SLC24A2: variants seen among roughly 807,000 people sequenced by gnomAD.
SLC24A2 encodes the protein sodium/potassium/calcium exchanger 2.
In SLC24A2, 36 loss-of-function variants were observed where a neutral mutation model predicts 62.0. The observed-to-expected ratio is 0.58, with a 90% CI of 0.44 to 0.77. The LOEUF is 0.77. SLC24A2 is among the 30% of genes least tolerant of loss of function. The pLI, the probability that SLC24A2 is intolerant of heterozygous loss-of-function variation, is 0.00. For synonymous variants in SLC24A2, 358 were observed against 294.0 expected (o/e 1.22, Z -2.23); for missense variants, 846 against 817.9 (o/e 1.03, Z -0.42).
At chr9:19,637,882 A>C (rs1479212767) in intron 2 of SLC24A2, among the ~76,000 whole-genome samples, 2 of 152,174 alleles carry the variant, frequency 1.3e-5, no homozygotes, top group African/African-American at 4.8e-5. Context: ...ACAAATGCAA[A>C]AGAACAATCA....
At chr9:20,246,376 A>C in the SLC24A2 span, among the ~76,000 whole-genome samples, 1 of 152,210 alleles carries the variant, frequency 6.6e-6, no homozygotes, top group Non-Finnish European at 1.5e-5. Context: ...TGCAAAACAA[A>C]TAATTCATCC....
At chr9:20,217,492 T>A in the SLC24A2 span, among the ~76,000 whole-genome samples, 1 of 124,956 alleles carries the variant, frequency 8.0e-6, no homozygotes, top group African/African-American at 2.9e-5. Context: ...TTATTGTAAG[T>A]TTTTTTAATT....
At chr9:20,169,074 T>C in the SLC24A2 span, among the ~76,000 whole-genome samples, 1 of 152,008 alleles carries the variant, frequency 6.6e-6, no homozygotes, top group Non-Finnish European at 1.5e-5. Flanking sequence ...ATTGAAAATA[T>C]AGTATAAGTG....
At chr9:20,151,857 C>T in the SLC24A2 span, among the ~76,000 whole-genome samples, 1 of 151,730 alleles carries the variant, frequency 6.6e-6, no homozygotes, top group African/African-American at 2.4e-5. Context: ...TTGAATCTCA[C>T]CTCCAATAAG....
rs932780111 is a variant in SLC24A2, at chr9:19,721,366, T to C, written c.930+64571A>G. 3.9e-5 allele frequency among the ~76,000 whole-genome samples: 6 copies of C among 152,328 alleles called. No individual in the cohort carries two copies. The East Asian group carries it at 5.8e-4, about 15-fold the overall frequency. On this transcript the variant is annotated intron_variant, in intron 2 of 10. Coordinates refer to ENST00000341998, the MANE Select transcript of SLC24A2 (RefSeq NM_020344.4). ...TAAAATGCTGACCCTCTGTTGATAC[T>C]GGCTAGAGGAATTTTTGTGTGTATT...
the SLC24A2 span, among the ~76,000 whole-genome samples, chr9:20,200,612 C>CA: frequency 6.6e-6 from 1 of 152,116 alleles, no homozygotes; most frequent in African/African-American, 2.4e-5. Context: ...AATTTTGCAA[C>CA]AAAAATACAA....
the SLC24A2 span, among the ~76,000 whole-genome samples, chr9:20,009,432 A>G: frequency 6.6e-6 from 1 of 151,804 alleles, no homozygotes; most frequent in Non-Finnish European, 1.5e-5. Context: ...GTTCACAGCA[A>G]CCATCACACA....
the SLC24A2 span, among the ~76,000 whole-genome samples, chr9:20,263,857 A>AC: frequency 6.3e-4 from 14 of 22,262 alleles, no homozygotes; most frequent in African/African-American, 8.6e-4. Context: ...TGGATATCCC[A>AC]CCCGCCCCCC....
At chr9:20,119,026 T>A in the SLC24A2 span, among the ~76,000 whole-genome samples, 1 of 152,172 alleles carries the variant, frequency 6.6e-6, no homozygotes, top group East Asian at 1.9e-4. Context: ...GAGGTCCACA[T>A]GGCAAAGAAT....
At chr9:19,662,584 C>T (rs544816874) in intron 2 of SLC24A2, among the ~76,000 whole-genome samples, 4 of 152,282 alleles carry the variant, frequency 2.6e-5, no homozygotes, top group East Asian at 3.9e-4. Context: ...TGGACAGAGA[C>T]GAAGGAGTGT....
the SLC24A2 span, among the ~76,000 whole-genome samples, chr9:20,014,500 A>ATATG: frequency 6.7e-6 from 1 of 148,602 alleles, no homozygotes. Context: ...AATGTGATAT[A>ATATG]TATATATATA....
the SLC24A2 span, among the ~76,000 whole-genome samples, chr9:20,168,891 C>T: frequency 6.6e-6 from 1 of 151,954 alleles, no homozygotes; most frequent in African/African-American, 2.4e-5. Flanking sequence ...TTCAAACAGG[C>T]ATTTGTTCGC....
intron 7 of SLC24A2, among the ~76,000 whole-genome samples, chr9:19,558,967 A>G (rs1202601376): frequency 6.6e-6 from 1 of 152,190 alleles, no homozygotes; most frequent in East Asian, 1.9e-4. Context: ...GGATCGAGAG[A>G]CAAAGACCCA....
the SLC24A2 span, among the ~76,000 whole-genome samples, chr9:20,095,107 T>G: frequency 6.6e-5 from 10 of 152,164 alleles, no homozygotes; most frequent in Non-Finnish European, 1.3e-4. Context: ...AGCCAAACAA[T>G]GAAGAGATTT....
chr9:20,107,342 T>G, the SLC24A2 span, among the ~76,000 whole-genome samples: 1 of 151,322 alleles, frequency 6.6e-6, no homozygotes, highest in Non-Finnish European at 1.5e-5. Flanking sequence ...TGGAAAAAAC[T>G]ACTTTGAAGT....
chr9:19,925,743 G>A, the SLC24A2 span, among the ~76,000 whole-genome samples: 2 of 152,170 alleles, frequency 1.3e-5, no homozygotes, highest in Non-Finnish European at 2.9e-5. Flanking sequence ...ATGTGACAGG[G>A]TTCCTTCTCT....
At chr9:20,120,421 G>A in the SLC24A2 span, among the ~76,000 whole-genome samples, 6 of 152,042 alleles carry the variant, frequency 3.9e-5, no homozygotes, top group Non-Finnish European at 7.4e-5. Context: ...GTTGGAGCTG[G>A]AGGCCATTAT....
At chr9:19,905,209 G>A in the SLC24A2 span, among the ~76,000 whole-genome samples, 67 of 152,244 alleles carry the variant, frequency 4.4e-4, no homozygotes, top group African/African-American at 1.5e-3. Context: ...ATGAAAAAGA[G>A]TGGGGTCTCA....
chr9:20,101,567 C>A, the SLC24A2 span, among the ~76,000 whole-genome samples: 2 of 152,066 alleles, frequency 1.3e-5, no homozygotes, highest in African/African-American at 2.4e-5. Flanking sequence ...GCTGCCCCAC[C>A]CATACCTCTT....
Sources: gnomAD v4.1 joint callset for allele counts (sites outside exome capture counted in the v4.1 genomes callset) on GRCh38, gnomAD v4.1.1 for gene constraint, MANE v1.5 for transcripts, NCBI Gene and HGNC (gene_info 2026-07-23, HGNC 2026-07-21) for gene names.